Variants in NAALADL2 observed in about 807,000 individuals in gnomAD.
NAALADL2 encodes the protein inactive N-acetylated-alpha-linked acidic dipeptidase-like protein 2.
A neutral mutation model predicts 87.2 loss-of-function variants in NAALADL2; 76 were observed. The observed-to-expected ratio is 0.87, with a 90% confidence interval of 0.72 to 1.05. The LOEUF (loss-of-function observed/expected upper bound fraction) is 1.05. NAALADL2 is among the 50% of genes least tolerant of loss of function. The pLI is 0.00. For missense variants in NAALADL2, 1,089 were observed against 945.8 expected (o/e 1.15, Z -1.99); for synonymous variants, 354 against 331.0 (o/e 1.07, Z -0.75).
intron 4 of NAALADL2, among the ~76,000 whole-genome samples, chr3:175,321,391 G>A (rs1484137757): frequency 2.8e-5 from 3 of 105,368 alleles, no homozygotes; most frequent in African/African-American, 9.6e-5. Flanking sequence ...TACTGAATGG[G>A]CAAAAACTGG....
intron 2 of NAALADL2, among the ~76,000 whole-genome samples, chr3:174,718,120 C>T (rs1259583958): frequency 1.3e-5 from 2 of 152,050 alleles, no homozygotes; most frequent in African/African-American, 2.4e-5. Context: ...CTCAAACAAA[C>T]AAACAAACAA....
intron 1 of NAALADL2, among the ~76,000 whole-genome samples, chr3:175,001,030 A>C (rs765032110): frequency 1.2e-4 from 18 of 152,160 alleles, no homozygotes; most frequent in Non-Finnish European, 2.4e-4. Context: ...TAGGGTGGCC[A>C]ATTAACCTGT....
chr3:174,894,419 C>T (rs1339407960), intron 1 of NAALADL2, among the ~76,000 whole-genome samples: 1 of 151,360 alleles, frequency 6.6e-6, no homozygotes, highest in African/African-American at 2.4e-5. Context: ...GGAGAAACCC[C>T]ATCTCTGCTA....
rs1424551615 is a variant in NAALADL2 at position 175,190,829 on chromosome 3, T to A, written c.546-43102T>A. Among the ~76,000 whole-genome samples, 6 of 151,606 alleles carry A rather than the reference T, an allele frequency of 4.0e-5. No individual in the cohort carries two copies. In the East Asian group the frequency reaches 9.8e-4, roughly 25 times the overall value. ...GTCTCTACTAAAAATACAAAAAAAA[T>A]TAGCCGGGCGTGGTGGCGGGCGCCT... On this transcript the variant is annotated intron_variant, in intron 2 of 13. Transcript: ENST00000454872.
chr3:175,111,219 G>A (rs1724137903), intron 2 of NAALADL2, among the ~76,000 whole-genome samples: 2 of 151,576 alleles, frequency 1.3e-5, no homozygotes, highest in Admixed American at 6.6e-5. Context: ...GTCTGGGTCT[G>A]GAAAATGAAG....
At chr3:175,494,439 G>A (rs571334403) in intron 9 of NAALADL2, among the ~76,000 whole-genome samples, 1 of 152,168 alleles carries the variant, frequency 6.6e-6, no homozygotes, top group South Asian at 2.1e-4. Context: ...GGAGATCAAG[G>A]AAATTATACA....
chr3:175,251,995 G>C (rs756790724), intron 3 of NAALADL2, among the ~76,000 whole-genome samples: 10 of 152,192 alleles, frequency 6.6e-5, no homozygotes, highest in Admixed American at 2.6e-4. Flanking sequence ...TTATTAACAT[G>C]TACTATTTAG....
intron 2 of NAALADL2, among the ~76,000 whole-genome samples, chr3:174,709,767 T>C (rs1730444664): frequency 6.6e-6 from 1 of 152,196 alleles, no homozygotes; most frequent in African/African-American, 2.4e-5. Flanking sequence ...CTCCTGGAAC[T>C]TTTCAGTAGC....
At position 174,859,383 on chromosome 3, in the gene NAALADL2, G is replaced by T; in HGVS notation, c.-25G>T. 6.3e-7 allele frequency: 1 copy of T among 1,591,978 alleles called. No homozygotes were observed. Among genetic ancestry groups the T allele is most frequent in the Non-Finnish European group, 8.6e-7 (1 of 1,165,236 alleles). On this transcript the variant is annotated 5_prime_UTR_variant, in exon 1 of 14. Transcript: ENST00000454872. ...AAGTGACACAACTTGAAACTGCTTG[G>T]CCCTCTTTAAAAAGAAATAATAAAA...
At chr3:175,444,696 C>T (rs1720405090) in intron 5 of NAALADL2, among the ~76,000 whole-genome samples, 1 of 152,088 alleles carries the variant, frequency 6.6e-6, no homozygotes, top group African/African-American at 2.4e-5. Flanking sequence ...ATTATATAGC[C>T]ACTTGTGGTT....
intron 11 of NAALADL2, among the ~76,000 whole-genome samples, chr3:175,636,501 C>T (rs968236883): frequency 3.9e-5 from 6 of 152,108 alleles, no homozygotes; most frequent in African/African-American, 1.4e-4. Flanking sequence ...GAGTTCCAGA[C>T]CAACCTGGCC....
intron 4 of NAALADL2, among the ~76,000 whole-genome samples, chr3:175,258,250 A>G (rs1041751893): frequency 2.0e-5 from 3 of 149,618 alleles, no homozygotes; most frequent in South Asian, 2.1e-4. Context: ...AGAACTTGCA[A>G]TGAGCCGAGA....
chr3:175,397,779 G>C (rs1770000199), intron 5 of NAALADL2, among the ~76,000 whole-genome samples: 1 of 152,082 alleles, frequency 6.6e-6, no homozygotes, highest in South Asian at 2.1e-4. Context: ...TAAGTATCTT[G>C]GAAAACAGTT....
intron 2 of NAALADL2, among the ~76,000 whole-genome samples, chr3:175,127,984 A>G (rs1344187531): frequency 2.6e-5 from 4 of 152,200 alleles, no homozygotes; most frequent in African/African-American, 7.2e-5. Context: ...GTATACTTTT[A>G]TGAGTTTTCC....
At chr3:174,939,081 C>T (rs1196507714) in intron 1 of NAALADL2, among the ~76,000 whole-genome samples, 1 of 152,038 alleles carries the variant, frequency 6.6e-6, no homozygotes, top group Non-Finnish European at 1.5e-5. Flanking sequence ...AAATCTATGT[C>T]CATTCCTATA....
chr3:175,237,890 C>G (rs1412985079), intron 3 of NAALADL2, among the ~76,000 whole-genome samples: 1 of 152,050 alleles, frequency 6.6e-6, no homozygotes, highest in African/African-American at 2.4e-5. Flanking sequence ...ACAGTTAAGG[C>G]AATGCACGCC....
chr3:174,607,488 G>C (rs1719233619), intron 2 of NAALADL2, among the ~76,000 whole-genome samples: 2 of 148,572 alleles, frequency 1.3e-5, no homozygotes, highest in African/African-American at 2.5e-5. Flanking sequence ...CAAGCAAATG[G>C]AAAACAAAAA....
intron 1 of NAALADL2, among the ~76,000 whole-genome samples, chr3:174,935,797 T>A (rs1215616531): frequency 6.6e-6 from 1 of 152,184 alleles, no homozygotes; most frequent in East Asian, 1.9e-4. Flanking sequence ...TTGCCTCTCA[T>A]GTTTTATAAT....
intron 4 of NAALADL2, among the ~76,000 whole-genome samples, chr3:175,314,484 G>C (rs1224522061): frequency 6.8e-6 from 1 of 146,128 alleles, no homozygotes; most frequent in Admixed American, 7.0e-5. Flanking sequence ...GATAAAGAGA[G>C]AACATAACAC....
Sources: allele counts gnomAD v4.1 joint callset (sites outside exome capture counted in the v4.1 genomes callset), GRCh38; gene constraint gnomAD v4.1.1; transcripts MANE v1.5; gene names NCBI Gene and HGNC (gene_info 2026-07-23, HGNC 2026-07-21).